Variants in HECW2 observed in about 807,000 individuals in gnomAD.
The protein encoded by HECW2 is HECT, C2 and WW domain containing E3 ubiquitin protein ligase 2.
In HECW2, 61 loss-of-function variants were observed where a neutral mutation model predicts 175.2. That is an observed-to-expected ratio of 0.35 (90% CI 0.28 to 0.43). The LOEUF is 0.43. Ranked by LOEUF, HECW2 falls within the 20% of genes least tolerant of loss-of-function variation. The pLI is 1.00. For synonymous variants in HECW2, 671 were observed against 731.0 expected, an observed-to-expected ratio of 0.92 and a Z score of 1.32; for missense variants, 1,524 against 2,000.5, an observed-to-expected ratio of 0.76 and a Z score of 4.54.
intron 1 of HECW2, among the ~76,000 whole-genome samples, chr2:196,477,004 G>A (rs866182785): frequency 3.7e-4 from 55 of 148,978 alleles, no homozygotes; most frequent in Admixed American, 2.3e-3. Context: ...TTAGCCAGGC[G>A]TGGTGGCACA....
At chr2:196,269,095 T>C (rs1689628519) in intron 17 of HECW2, among the ~76,000 whole-genome samples, 1 of 152,188 alleles carries the variant, frequency 6.6e-6, no homozygotes, top group African/African-American at 2.4e-5. Flanking sequence ...CAGGTGAAAC[T>C]GGGATTTTTA....
chr2:196,568,301 C>T (rs896738445), intron 1 of HECW2, among the ~76,000 whole-genome samples: 1 of 152,190 alleles, frequency 6.6e-6, no homozygotes, highest in Non-Finnish European at 1.5e-5. Context: ...AAAAGCATCT[C>T]AGACAATGCA....
At chr2:196,471,524 AC>A (rs1250440695) in intron 1 of HECW2, among the ~76,000 whole-genome samples, 3 of 152,240 alleles carry the variant, frequency 2.0e-5, no homozygotes, top group Admixed American at 6.5e-5. Context: ...ATATATGTTC[AC>A]TGCAGCACTA....
intron 13 of HECW2, among the ~76,000 whole-genome samples, chr2:196,296,637 A>G (rs1012555094): frequency 1.3e-5 from 2 of 152,332 alleles, no homozygotes; most frequent in Admixed American, 6.5e-5. Flanking sequence ...GGATACAGAG[A>G]TGAGCAAGGC....
At chr2:196,545,288 C>T (rs1343415029) in intron 1 of HECW2, among the ~76,000 whole-genome samples, 1 of 152,104 alleles carries the variant, frequency 6.6e-6, no homozygotes, top group African/African-American at 2.4e-5. Flanking sequence ...TGGCCAGTCT[C>T]AGGGCTGAAA....
intron 27 of HECW2, 45 bp from the exon 28 acceptor site, chr2:196,216,022 A>G: frequency 7.3e-7 from 1 of 1,367,582 alleles, no homozygotes; most frequent in Non-Finnish European, 1.0e-6. Flanking sequence ...GCCAGAGACC[A>G]ACAGCCAGGA....
At chr2:196,331,312 G>A in intron 4 of HECW2, 2 of 982,422 alleles carry the variant, frequency 2.0e-6, no homozygotes, top group South Asian at 4.7e-5. Flanking sequence ...TAGGGCAGAG[G>A]CAGCAGTACA....
intron 12 of HECW2, 88 bp from the exon 13 acceptor site, chr2:196,306,700 A>G (rs2105708034): frequency 7.7e-7 from 1 of 1,290,954 alleles, no homozygotes; most frequent in East Asian, 2.6e-5. Context: ...TTTCAAAAGA[A>G]TCATAGGATA....
At position 196,196,723 on chromosome 2, in the gene HECW2, G is replaced by C. The variant is rs867070304; in HGVS notation, c.*4554C>G. 2 of 152,742 alleles carry C rather than the reference G, an allele frequency of 1.3e-5. No individual in the cohort carries two copies. Among genetic ancestry groups the C allele is most frequent in the Non-Finnish European group, 1.5e-5 (1 of 68,494 alleles). 9.5% of individuals were successfully genotyped at this position (152,742 alleles called of 1,614,324 possible). A position where few individuals can be genotyped will look rare whatever the true frequency, so the allele number is the denominator to read the frequency against. ...TGAGGTGGGAGGCTGGCTTGAGCCT[G>C]GAAGGCAGAGGTTGCAGTGAGCCAA... On this transcript the variant is annotated 3_prime_UTR_variant, in exon 29 of 29. Coordinates refer to ENST00000644978, the MANE Select transcript of HECW2 (RefSeq NM_001348768.2).
rs1226446736 is a variant in HECW2 at position 196,532,902 on chromosome 2, G to A, written c.-36+60606C>T. Among the ~76,000 whole-genome samples, 6 of 152,206 alleles carry A rather than the reference G, an allele frequency of 3.9e-5. No homozygotes were observed. In the South Asian group the frequency reaches 1.0e-3, roughly 26 times the overall value. On this transcript the variant is annotated intron_variant, in intron 1 of 28. Coordinates refer to ENST00000644978, the MANE Select transcript of HECW2 (RefSeq NM_001348768.2). ...TTAGCGTGGCTCAGTGAACTCTTCTGTCTAGGCTGCTCCCCAAGATATCTT... is the reference window on the plus strand; with the variant it reads ...TTAGCGTGGCTCAGTGAACTCTTCTATCTAGGCTGCTCCCCAAGATATCTT...
intron 20 of HECW2, among the ~76,000 whole-genome samples, chr2:196,241,610 T>G (rs1034144110): frequency 1.3e-5 from 2 of 152,146 alleles, no homozygotes; most frequent in Non-Finnish European, 2.9e-5. Flanking sequence ...GTTTCCCCAT[T>G]TGAAAGGAGG....
intron 21 of HECW2, among the ~76,000 whole-genome samples, chr2:196,234,110 C>T (rs1325740084): frequency 6.6e-6 from 1 of 152,178 alleles, no homozygotes; most frequent in Non-Finnish European, 1.5e-5. Flanking sequence ...ATAATAAACT[C>T]ATTCTTTCTT....
At chr2:196,215,748 A>C in intron 28 of HECW2, 117 bp downstream of exon 28, 1 of 691,574 alleles carries the variant, frequency 1.4e-6, no homozygotes, top group Admixed American at 2.8e-5. Context: ...ATTCATTCTA[A>C]GAGCTTTTCC....
At chr2:196,526,775 C>A (rs1038535908) in intron 1 of HECW2, among the ~76,000 whole-genome samples, 5 of 152,068 alleles carry the variant, frequency 3.3e-5, no homozygotes, top group African/African-American at 1.2e-4. Context: ...GGGATGCCTC[C>A]CAGTTAGGCT....
intron 2 of HECW2, among the ~76,000 whole-genome samples, chr2:196,397,770 T>C (rs1279153249): frequency 1.3e-5 from 2 of 152,238 alleles, no homozygotes; most frequent in Non-Finnish European, 2.9e-5. Flanking sequence ...TTCCACCAAC[T>C]GTTTAGATAT....
In HECW2 at chr2:196,271,286, T is replaced by C; in HGVS notation, c.3242A>G (p.Tyr1081Cys). The C allele has an allele frequency of 2.5e-6, 4 of 1,592,302 alleles. No individual in the cohort carries two copies. The highest frequency in any genetic ancestry group is 3.4e-6 in the Non-Finnish European group (4 of 1,162,652). ...PQYQDMVPVAYNDKIVAFLRQ... is the reference protein window; with the variant it reads ...PQYQDMVPVACNDKIVAFLRQ... The stretch of plus-strand genomic sequence containing the variant: ...TAGAAATGCAACAATCTTGTCATTG[T>C]AAGCTGAAAAAAAAATCAGAAAAGA... The change falls in exon 17 of 29, where the codon TAC (tyrosine) becomes TGC (cysteine). Residue 1081 changes from tyrosine (Y) to cysteine (C), a missense_variant. Coordinates refer to ENST00000644978, the MANE Select transcript of HECW2 (RefSeq NM_001348768.2).
chr2:196,367,249 T>A (rs1409476788), intron 2 of HECW2, among the ~76,000 whole-genome samples: 2 of 152,214 alleles, frequency 1.3e-5, no homozygotes, highest in Non-Finnish European at 2.9e-5. Flanking sequence ...TAGAATCATC[T>A]GGGACTCATG....
intron 10 of HECW2, 89 bp downstream of exon 10, chr2:196,317,185 A>T (rs1691730180): frequency 6.1e-6 from 6 of 983,680 alleles, no homozygotes. Context: ...AAGACCATGT[A>T]TCCATCTTTT....
chr2:196,356,082 GAGA>G (rs1177271163), intron 2 of HECW2, among the ~76,000 whole-genome samples: 2 of 152,202 alleles, frequency 1.3e-5, no homozygotes, highest in African/African-American at 4.8e-5. Flanking sequence ...CAGAGAGTGG[GAGA>G]AGAAGACATG....
Sources: allele counts gnomAD v4.1 joint callset (sites outside exome capture counted in the v4.1 genomes callset), GRCh38; gene constraint gnomAD v4.1.1; transcripts MANE v1.5; gene names NCBI Gene and HGNC (gene_info 2026-07-23, HGNC 2026-07-21).